The following NSF variants were observed in gnomAD, a reference collection of about 807,000 sequenced individuals.
The protein encoded by NSF is N-ethylmaleimide sensitive factor, vesicle fusing ATPase.
A neutral mutation model predicts 50.3 loss-of-function variants in NSF; 14 were observed. That is an observed-to-expected ratio of 0.28 (90% CI 0.18 to 0.44). The LOEUF (loss-of-function observed/expected upper bound fraction) is 0.44, where lower values mean the gene tolerates loss of function less well. NSF is among the 20% of genes least tolerant of loss of function. The probability of loss-of-function intolerance (pLI) is 1.00; values close to 1 mark genes in which losing one functional copy is unlikely to be tolerated. For missense variants in NSF, 218 were observed against 504.3 expected, an observed-to-expected ratio of 0.43 and a Z score of 5.44; for synonymous variants, 109 against 175.7, an observed-to-expected ratio of 0.62 and a Z score of 3.00.
intron 13 of NSF, among the ~76,000 whole-genome samples, chr17:46,709,622 G>A (rs1015333097): frequency 1.3e-5 from 2 of 151,890 alleles, no homozygotes; most frequent in Non-Finnish European, 2.9e-5. Context: ...AGCCTCCCAA[G>A]TAGCTGGGAT....
chr17:46,657,906 G>A (rs1431913476), intron 8 of NSF, among the ~76,000 whole-genome samples: 1 of 87,444 alleles, frequency 1.1e-5, no homozygotes, highest in Admixed American at 1.4e-4. Flanking sequence ...AGCATTGTCT[G>A]TTCTCGCTTT....
chr17:46,704,900 A>G, intron 13 of NSF, 46 bp downstream of exon 13: 1 of 1,563,268 alleles, frequency 6.4e-7, no homozygotes, highest in South Asian at 1.2e-5. Flanking sequence ...AGTAATGATA[A>G]TAATAACTCA....
chr17:46,605,416 C>T (rs1371237240), intron 1 of NSF, among the ~76,000 whole-genome samples: 1 of 144,686 alleles, frequency 6.9e-6, no homozygotes, highest in African/African-American at 2.5e-5. Flanking sequence ...CCATTGCATG[C>T]CAGCCTGGGC....
rs747961356 is a variant in NSF at position 46,755,370 on chromosome 17, G to T, written c.2213+1G>T. ...TGGCCCTCTTAAGAGAAGAAGGAGC[G>T]TAAGTACATACAACATTTAATGACC... is the stretch of plus-strand genomic sequence containing the variant. On this transcript the variant is annotated splice_donor_variant, in intron 20 of 20. Coordinates refer to ENST00000398238, the MANE Select transcript of NSF (RefSeq NM_006178.4). LOFTEE classifies it high-confidence loss of function. 1.2e-6 allele frequency: 2 copies of T among 1,611,626 alleles called. No individual in the cohort carries two copies. Among genetic ancestry groups the T allele is most frequent in the East Asian group, 4.5e-5 (2 of 44,872 alleles).
intron 15 of NSF, chr17:46,722,223 G>C (rs566816143): frequency 3.6e-6 from 5 of 1,392,396 alleles, no homozygotes; most frequent in Non-Finnish European, 4.1e-6. Flanking sequence ...CAAATCTCGC[G>C]AGAGCACGTC....
chr17:46,739,527 G>A (rs2059047095), intron 17 of NSF, among the ~76,000 whole-genome samples: 1 of 151,874 alleles, frequency 6.6e-6, no homozygotes, highest in Non-Finnish European at 1.5e-5. Flanking sequence ...CAACCAGAGT[G>A]AGACCTTGTC....
chr17:46,755,776 T>G (rs1166528103), intron 20 of NSF, 26 bp from the exon 21 acceptor site: 2 of 1,606,460 alleles, frequency 1.2e-6, no homozygotes, highest in Non-Finnish European at 1.7e-6. Context: ...CATCTGTTTT[T>G]TTGTGTTTTG....
chr17:46,738,219 C>A (rs2059029934), intron 17 of NSF, among the ~76,000 whole-genome samples: 1 of 152,088 alleles, frequency 6.6e-6, no homozygotes, highest in Non-Finnish European at 1.5e-5. Context: ...CAGGTGTGAG[C>A]CATTACACCC....
intron 17 of NSF, among the ~76,000 whole-genome samples, chr17:46,734,305 T>G (rs1298567266): frequency 6.6e-6 from 1 of 152,198 alleles, no homozygotes; most frequent in African/African-American, 2.4e-5. Flanking sequence ...ATATAACCAC[T>G]TTAGGAAAGA....
chr17:46,711,232 T>G (rs1019685062), intron 14 of NSF, 113 bp downstream of exon 14: 2 of 1,013,864 alleles, frequency 2.0e-6, no homozygotes, highest in African/African-American at 1.7e-5. Flanking sequence ...TTAACCTTGT[T>G]CTTGATCTGA....
rs575094928 is a variant in NSF at position 46,755,868 on chromosome 17, G to C, written c.*45G>C. 4.1e-5 allele frequency: 65 copies of C among 1,591,086 alleles called. 1 individual carries two copies. In the East Asian group the frequency reaches 1.4e-3, roughly 35 times the overall value. ...CACAGTGACCAAGGGAAGTGACCAA[G>C]GTGAAGATGGCCTAGGATCTTCACT... On this transcript the variant is annotated 3_prime_UTR_variant, in exon 21 of 21. Transcript: ENST00000398238.
At chr17:46,730,940 T>C (rs570798406) in intron 17 of NSF, among the ~76,000 whole-genome samples, 3 of 149,868 alleles carry the variant, frequency 2.0e-5, no homozygotes, top group Non-Finnish European at 3.0e-5. Context: ...TGTGGAGAAA[T>C]TGGAACCTGT....
At chr17:46,610,027 T>TTCTTTCTTTCTTTC (rs774244394) in intron 1 of NSF, among the ~76,000 whole-genome samples, 41 of 109,548 alleles carry the variant, frequency 3.7e-4, no homozygotes, top group African/African-American at 1.3e-3. Flanking sequence ...CTTTCTTTCT[T>TTCTTTCTTTCTTTC]TCTCTCTCTC....
intron 17 of NSF, among the ~76,000 whole-genome samples, chr17:46,748,932 T>C (rs897349337): frequency 1.4e-4 from 22 of 152,246 alleles, no homozygotes; most frequent in African/African-American, 5.3e-4. Flanking sequence ...TAATAAATAC[T>C]GAATATAGAT....
intron 1 of NSF, among the ~76,000 whole-genome samples, chr17:46,622,142 C>T: frequency 7.0e-6 from 1 of 142,508 alleles, no homozygotes; most frequent in East Asian, 2.2e-4. Context: ...GTAGAGTAGA[C>T]ATGTAGAGTG....
chr17:46,755,953 T>A lies in NSF; in HGVS notation c.*130T>A. 1 of 836,126 alleles carries A rather than the reference T, an allele frequency of 1.2e-6. No individual in the cohort carries two copies. Among genetic ancestry groups the A allele is most frequent in the Non-Finnish European group, 1.9e-6 (1 of 531,854 alleles). The allele number at this position is 836,126 out of a possible 1,614,324, so 51.8% of individuals were successfully genotyped here. Reference sequence around the variant, plus strand: ...CTCTACCTTCAACATGTGCTCGCTCTGCATGATTAGTGCAATAAAACTCCC... The same window carrying A: ...CTCTACCTTCAACATGTGCTCGCTCAGCATGATTAGTGCAATAAAACTCCC... On this transcript the variant is annotated 3_prime_UTR_variant, in exon 21 of 21. Transcript: ENST00000398238.
chr17:46,745,812 A>T (rs750602311), intron 17 of NSF, among the ~76,000 whole-genome samples: 2 of 152,248 alleles, frequency 1.3e-5, no homozygotes, highest in Non-Finnish European at 2.9e-5. Context: ...GTTAAAAAAT[A>T]CTTTAAATAT....
At chr17:46,602,606 G>GT (rs1467323344) in intron 1 of NSF, 1 of 55,874 alleles carries the variant, frequency 1.8e-5, no homozygotes, top group African/African-American at 8.2e-5. Context: ...GCATTGGTGG[G>GT]TTTTTAAAAA....
chr17:46,745,821 A>T lies in NSF; in HGVS notation c.1909-3952A>T, dbSNP rs541529478. On this transcript the variant is annotated intron_variant, in intron 17 of 20. Transcript: ENST00000398238. ...TTTAGTGTTAAAAAATACTTTAAAT[A>T]TAACAGCACCACTTTTTGTTATAGT... Among the ~76,000 whole-genome samples, 13 of 152,360 alleles carry T rather than the reference A, an allele frequency of 8.5e-5. No individual in the cohort carries two copies. In the South Asian group the frequency reaches 2.5e-3, roughly 29 times the overall value.
Sources: gnomAD v4.1 joint callset for allele counts (sites outside exome capture counted in the v4.1 genomes callset) on GRCh38, gnomAD v4.1.1 for gene constraint, MANE v1.5 for transcripts, NCBI Gene and HGNC (gene_info 2026-07-23, HGNC 2026-07-21) for gene names.